ELMO1: variants seen among roughly 807,000 people sequenced by gnomAD.
The protein encoded by ELMO1 is engulfment and cell motility protein 1.
A neutral mutation model predicts 98.9 loss-of-function variants in ELMO1; 26 were observed. The ratio of observed to expected loss-of-function variants is 0.26; its 90% CI spans 0.19 to 0.36. ELMO1 has a LOEUF of 0.36. Ranked by LOEUF, ELMO1 falls within the 10% of genes least tolerant of loss-of-function variation. ELMO1 has a pLI of 1.00. For synonymous variants in ELMO1, 346 were observed against 346.0 expected (o/e 1.00, Z 0.00); for missense variants, 627 against 935.2 (o/e 0.67, Z 4.30).
rs544501716 is a variant in ELMO1, at chr7:37,108,700, C to T, written c.1192-11973G>A. Among the ~76,000 whole-genome samples, 8 of 152,312 alleles carry T rather than the reference C, an allele frequency of 5.3e-5. No individual in the cohort carries two copies. In the South Asian group the frequency reaches 1.7e-3, roughly 32 times the overall value. On this transcript the variant is annotated intron_variant, in intron 14 of 21. Transcript: ENST00000310758. ...GAGTCAACCCCTTGAGGTTGGGAAC[C>T]ACTTCCTCACTTGTGAATCTCTGAC...
chr7:37,314,840 G>A lies in ELMO1; in HGVS notation c.192+10C>T. 6.2e-7 allele frequency: 1 copy of A among 1,610,456 alleles called. No homozygotes were observed. The highest frequency in any genetic ancestry group is 8.5e-7 in the Non-Finnish European group (1 of 1,177,888). ...TATGTATCCCATATTAAATAATGTA[G>A]TTGACCTACCTTTTCTGTGATATAG... On this transcript the variant is annotated intron_variant, in intron 4 of 21. Transcript: ENST00000310758.
chr7:37,418,970 C>T (rs1004596727), intron 1 of ELMO1, among the ~76,000 whole-genome samples: 24 of 152,036 alleles, frequency 1.6e-4, no homozygotes, highest in African/African-American at 5.6e-4. Context: ...GAGCACCCAG[C>T]GTGATTGAGA....
chr7:37,403,688 G>A (rs1453102469), intron 1 of ELMO1, among the ~76,000 whole-genome samples: 1 of 152,026 alleles, frequency 6.6e-6, no homozygotes, highest in Non-Finnish European at 1.5e-5. Flanking sequence ...CGGACTACAG[G>A]CACACATCAC....
At chr7:37,054,168 TA>T (rs1200111038) in intron 15 of ELMO1, among the ~76,000 whole-genome samples, 1 of 152,248 alleles carries the variant, frequency 6.6e-6, no homozygotes, top group Non-Finnish European at 1.5e-5. Flanking sequence ...ATTTATGACA[TA>T]AAAAATTTAT....
chr7:37,036,627 A>T (rs542022050), intron 15 of ELMO1, among the ~76,000 whole-genome samples: 1 of 152,084 alleles, frequency 6.6e-6, no homozygotes. Flanking sequence ...AATCCTCCCA[A>T]CTCAGATTCC....
chr7:37,113,775 T>C (rs1052196926), intron 14 of ELMO1, among the ~76,000 whole-genome samples: 1 of 152,128 alleles, frequency 6.6e-6, no homozygotes, highest in Non-Finnish European at 1.5e-5. Context: ...GAATCCAGTA[T>C]GATTGGTGTT....
At chr7:37,367,208 C>T (rs1801940780) in intron 1 of ELMO1, among the ~76,000 whole-genome samples, 1 of 152,210 alleles carries the variant, frequency 6.6e-6, no homozygotes, top group Non-Finnish European at 1.5e-5. Flanking sequence ...GTCATCTCCT[C>T]AGGGAAGCCT....
intron 1 of ELMO1, among the ~76,000 whole-genome samples, chr7:37,373,019 C>T (rs539893231): frequency 3.3e-5 from 5 of 152,276 alleles, no homozygotes; most frequent in African/African-American, 7.2e-5. Flanking sequence ...AAGTGGCACC[C>T]GTGCTGTGTC....
intron 1 of ELMO1, among the ~76,000 whole-genome samples, chr7:37,367,605 G>T (rs1338673372): frequency 6.6e-6 from 1 of 152,186 alleles, no homozygotes; most frequent in Non-Finnish European, 1.5e-5. Flanking sequence ...GAAGACTAGA[G>T]AAGACTAAGG....
At chr7:36,869,853 G>A (rs1385455874) in intron 20 of ELMO1, among the ~76,000 whole-genome samples, 1 of 152,228 alleles carries the variant, frequency 6.6e-6, no homozygotes, top group Non-Finnish European at 1.5e-5. Flanking sequence ...TTTAGTCTGA[G>A]TTGGAGATAT....
chr7:37,148,997 C>T (rs1788182541), intron 13 of ELMO1, among the ~76,000 whole-genome samples: 1 of 152,184 alleles, frequency 6.6e-6, no homozygotes, highest in Admixed American at 6.5e-5. Flanking sequence ...CTTGATAATC[C>T]ATCATGAAGC....
rs147573005 is a variant in ELMO1, at chr7:36,969,036, G to A, written c.1437+44263C>T. Among the ~76,000 whole-genome samples, 3 of 152,148 alleles carry A rather than the reference G, an allele frequency of 2.0e-5. No homozygotes were observed. The East Asian group carries it at 5.8e-4, about 29-fold the overall frequency. ...ATTTAAAAGCCTTTGAGAATTTATT[G>A]AGGATCTTTAGCCATGTAAGTGATG... On this transcript the variant is annotated intron_variant, in intron 16 of 21. Transcript: ENST00000310758.
intron 4 of ELMO1, among the ~76,000 whole-genome samples, chr7:37,275,570 T>C (rs1406561066): frequency 6.6e-6 from 1 of 152,100 alleles, no homozygotes; most frequent in East Asian, 1.9e-4. Context: ...TAGAGGTGAA[T>C]AAGAACAAGA....
intron 6 of ELMO1, among the ~76,000 whole-genome samples, chr7:37,255,249 C>T (rs935925623): frequency 1.3e-5 from 2 of 152,044 alleles, no homozygotes; most frequent in Non-Finnish European, 2.9e-5. Flanking sequence ...TGACTCTTGT[C>T]CTTATAAGAA....
At chr7:36,961,607 T>C (rs767595071) in intron 16 of ELMO1, among the ~76,000 whole-genome samples, 8 of 152,244 alleles carry the variant, frequency 5.3e-5, no homozygotes, top group Non-Finnish European at 7.3e-5. Context: ...ATTAATTGAA[T>C]GGAAACATCT....
In ELMO1 at chr7:37,414,113, ATT is replaced by A. The variant is rs1207177743; in HGVS notation, c.-74+34560_-74+34561del. 6.9e-5 allele frequency among the ~76,000 whole-genome samples: 9 copies of A among 131,252 alleles called. 1 individual carries two copies. The allele number at this position is 131,252 out of a possible 152,430, so 86.1% of individuals were successfully genotyped here. On this transcript the variant is annotated intron_variant, in intron 1 of 21. Coordinates refer to ENST00000310758, the MANE Select transcript of ELMO1 (RefSeq NM_014800.11). Reference sequence around the variant, plus strand: ...TAATATCATTTAATATCAAAATAATATTGAGTGAATGATTCCATAATGAATCA... The same window carrying A: ...TAATATCATTTAATATCAAAATAATAGAGTGAATGATTCCATAATGAATCA...
intron 10 of ELMO1, among the ~76,000 whole-genome samples, chr7:37,219,102 G>C (rs1361642131): frequency 1.3e-5 from 2 of 152,162 alleles, no homozygotes; most frequent in Admixed American, 6.5e-5. Flanking sequence ...GTTTGTGCCA[G>C]GAAACTGAGA....
intron 16 of ELMO1, among the ~76,000 whole-genome samples, chr7:36,937,772 T>C (rs545509464): frequency 3.3e-5 from 5 of 152,298 alleles, no homozygotes; most frequent in African/African-American, 1.2e-4. Flanking sequence ...ATAATAATGG[T>C]TTGCTCAGTC....
At chr7:37,224,746 G>T in intron 9 of ELMO1, 133 bp downstream of exon 9, 1 of 1,306,352 alleles carries the variant, frequency 7.7e-7, no homozygotes, top group Non-Finnish European at 1.1e-6. Flanking sequence ...CACGTGGTTT[G>T]GTTATATGCC....
Sources: allele counts gnomAD v4.1 joint callset (sites outside exome capture counted in the v4.1 genomes callset), GRCh38; gene constraint gnomAD v4.1.1; transcripts MANE v1.5; gene names NCBI Gene and HGNC (gene_info 2026-07-23, HGNC 2026-07-21).